Variants in PLCZ1 observed in about 807,000 individuals in gnomAD.
The protein encoded by PLCZ1 is 1-phosphatidylinositol 4,5-bisphosphate phosphodiesterase zeta-1.
A neutral mutation model predicts 76.8 loss-of-function variants in PLCZ1; 64 were observed. That is an observed-to-expected ratio of 0.83 (90% confidence interval 0.68 to 1.03). PLCZ1 has a LOEUF of 1.03. PLCZ1 is among the 50% of genes least tolerant of loss of function. The pLI is 0.00. For missense variants in PLCZ1, 751 were observed against 713.7 expected (o/e 1.05, Z -0.60); for synonymous variants, 248 against 230.8 (o/e 1.07, Z -0.68).
chr12:18,658,119 AAAGT>A, the PLCZ1 span, among the ~76,000 whole-genome samples: 1 of 152,170 alleles, frequency 6.6e-6, no homozygotes, highest in Non-Finnish European at 1.5e-5. Flanking sequence ...AGCAAACTTG[AAAGT>A]AAGTTCATTG....
chr12:18,705,205 A>G lies in PLCZ1; in HGVS notation c.825T>C (p.Asp275=). The stretch of plus-strand genomic sequence containing the variant: ...GAGTATCAGGAAAATCATCAAGCAT[A>G]TCAGAAAGCAAGGACTCTCCAAAAG... ...QATFGESLLS[D]MLDDFPDTLP... The change falls in exon 7 of 15, where the codon GAT becomes GAC. Residue 275 remains aspartate, a synonymous_variant. Transcript: ENST00000266505. 1 of 1,614,072 alleles carries G rather than the reference A, an allele frequency of 6.2e-7. No homozygotes were observed.
At chr12:18,646,539 A>G in the PLCZ1 span, among the ~76,000 whole-genome samples, 1 of 152,170 alleles carries the variant, frequency 6.6e-6, no homozygotes, top group Non-Finnish European at 1.5e-5. Flanking sequence ...AGGTAAGCCT[A>G]TGCTGTACAA....
At chr12:18,705,389 T>A in intron 6 of PLCZ1, 74 bp from the exon 7 acceptor site, 1 of 1,532,762 alleles carries the variant, frequency 6.5e-7, no homozygotes, top group Non-Finnish European at 9.0e-7. Flanking sequence ...TATAAGTGCT[T>A]AATGTATTTT....
intron 14 of PLCZ1, 43 bp downstream of exon 14, chr12:18,684,087 T>A (rs370662043): frequency 1.2e-5 from 20 of 1,600,206 alleles, no homozygotes; most frequent in Admixed American, 1.0e-4. Flanking sequence ...ACACAAGTTA[T>A]ATTTAAATGC....
the PLCZ1 span, among the ~76,000 whole-genome samples, chr12:18,665,710 G>A: frequency 6.6e-6 from 1 of 152,120 alleles, no homozygotes. Context: ...GCTGAGGCAG[G>A]TGGATCACGA....
At position 18,712,801 on chromosome 12, in the gene PLCZ1, T is replaced by C. The variant is rs368747333; in HGVS notation, c.714+41A>G. The stretch of plus-strand genomic sequence containing the variant: ...TTGAAGCAAGTAAATTAGAATTGCT[T>C]CTGTTTAAATAGCTACAGTTGAACA... On this transcript the variant is annotated intron_variant, in intron 6 of 14. Coordinates refer to ENST00000266505, the MANE Select transcript of PLCZ1 (RefSeq NM_033123.4). The C allele has an allele frequency of 1.0e-5, 16 of 1,601,156 alleles. No homozygotes were observed. In the African/African-American group the frequency reaches 2.0e-4, roughly 20 times the overall value.
rs1959023456 is a variant in PLCZ1, at chr12:18,731,070, TACA to T, written c.135+5148_135+5150del. The T allele has an allele frequency of 2.6e-5, 4 of 152,184 alleles. No individual in the cohort carries two copies. In the South Asian group the frequency reaches 8.3e-4, roughly 32 times the overall value. The allele number at this position is 152,184 out of a possible 1,614,324, so 9.4% of individuals were successfully genotyped here. On this transcript the variant is annotated intron_variant, in intron 3 of 14. Coordinates refer to ENST00000266505, the MANE Select transcript of PLCZ1 (RefSeq NM_033123.4). Reference sequence around the variant, plus strand: ...GTTTTCACTGGGGTCTCCTGAGAAGTACAACTTTTCTTTTTTAACCTCCTCTTT... The same window carrying T: ...GTTTTCACTGGGGTCTCCTGAGAAGTACTTTTCTTTTTTAACCTCCTCTTT...
At chr12:18,650,698 GTGTGTGTATATATCTA>G in the PLCZ1 span, among the ~76,000 whole-genome samples, 306 of 29,056 alleles carry the variant, frequency 0.011, 14 homozygotes, top group Non-Finnish European at 0.012. Flanking sequence ...GTGTGTGTGT[GTGTGTGTATATATCTA>G]TATATATATA....
At chr12:18,717,457 T>C (rs1438779811) in intron 5 of PLCZ1, among the ~76,000 whole-genome samples, 1 of 152,218 alleles carries the variant, frequency 6.6e-6, no homozygotes, top group East Asian at 1.9e-4. Flanking sequence ...TTACCTTAAG[T>C]AATGCTATCT....
chr12:18,683,643 G>C (rs1045087842), intron 14 of PLCZ1: 1 of 1,361,712 alleles, frequency 7.3e-7, no homozygotes, highest in Non-Finnish European at 9.7e-7. Context: ...TGTTAGAAAA[G>C]TAAGCATATT....
chr12:18,648,412 T>C, the PLCZ1 span: 3 of 213,562 alleles, frequency 1.4e-5, no homozygotes, highest in Non-Finnish European at 2.8e-5. Context: ...CATCAATTAA[T>C]TCAAGATCTA....
At chr12:18,703,920 T>C (rs536286739) in intron 7 of PLCZ1, among the ~76,000 whole-genome samples, 2 of 152,358 alleles carry the variant, frequency 1.3e-5, no homozygotes, top group South Asian at 4.1e-4. Context: ...AATATTGTTA[T>C]GTCTAGCAAA....
At chr12:18,730,464 C>A (rs1387247722) in intron 3 of PLCZ1, among the ~76,000 whole-genome samples, 1 of 151,846 alleles carries the variant, frequency 6.6e-6, no homozygotes, top group Non-Finnish European at 1.5e-5. Flanking sequence ...GATTATCAGC[C>A]TTGTTTATAT....
chr12:18,736,694 T>C, intron 2 of PLCZ1: 1 of 1,290,192 alleles, frequency 7.8e-7, no homozygotes, highest in Non-Finnish European at 1.0e-6. Flanking sequence ...GCCTCTCACC[T>C]GACCTCTCTG....
At position 18,703,212 on chromosome 12, in the gene PLCZ1, T is replaced by C. The variant is rs564821811; in HGVS notation, c.865-1436A>G. 6.8e-4 allele frequency among the ~76,000 whole-genome samples: 104 copies of C among 152,262 alleles called. 4 individuals are homozygous for C. The South Asian group carries it at 0.017, about 25-fold the overall frequency. On this transcript the variant is annotated intron_variant, in intron 7 of 14. Transcript: ENST00000266505. ...TTCCACCACAATTGAACACATTGAG[T>C]CTGTGGGCATTCTTATGCCACAAAA...
At chr12:18,645,654 G>A in the PLCZ1 span, among the ~76,000 whole-genome samples, 2 of 152,028 alleles carry the variant, frequency 1.3e-5, no homozygotes, top group Admixed American at 6.6e-5. Context: ...TAATTTACTG[G>A]TGTCTAATAT....
intron 6 of PLCZ1, among the ~76,000 whole-genome samples, chr12:18,711,279 C>G (rs1213912683): frequency 6.8e-6 from 1 of 148,078 alleles, no homozygotes; most frequent in Non-Finnish European, 1.5e-5. Context: ...CAAACTATCG[C>G]AAGGACAAAA....
At chr12:18,708,653 G>A (rs553029023) in intron 6 of PLCZ1, among the ~76,000 whole-genome samples, 3 of 151,914 alleles carry the variant, frequency 2.0e-5, no homozygotes, top group South Asian at 4.2e-4. Context: ...TTTTTGCCAC[G>A]CCCTCGCCAA....
chr12:18,711,321 G>C (rs1957294296), intron 6 of PLCZ1, among the ~76,000 whole-genome samples: 1 of 142,348 alleles, frequency 7.0e-6, no homozygotes, highest in Admixed American at 7.3e-5. Flanking sequence ...ACTCATAGGT[G>C]GGAATTGAAC....
Sources: gnomAD v4.1 joint callset for allele counts (sites outside exome capture counted in the v4.1 genomes callset) on GRCh38, gnomAD v4.1.1 for gene constraint, MANE v1.5 for transcripts, NCBI Gene and HGNC (gene_info 2026-07-23, HGNC 2026-07-21) for gene names.